The following ARMCX4 variants were observed in gnomAD, a reference collection of about 807,000 sequenced individuals.
ARMCX4 encodes armadillo repeat containing X-linked 4.
Under a neutral mutation model 34.7 loss-of-function variants are expected in ARMCX4, and 3 were observed. The observed-to-expected ratio is 0.09, with a 90% CI of 0.04 to 0.22. ARMCX4 has a LOEUF of 0.22. ARMCX4 is among the 10% of genes least tolerant of loss of function. The probability of loss-of-function intolerance (pLI) is 1.00; values close to 1 mark genes in which losing one functional copy is unlikely to be tolerated. For synonymous variants in ARMCX4, 513 were observed against 632.8 expected, an observed-to-expected ratio of 0.81 and a Z score of 2.84; for missense variants, 1,448 against 1,720.8, an observed-to-expected ratio of 0.84 and a Z score of 2.81.
intron 4 of ARMCX4, among the ~76,000 whole-genome samples, chrX:101,459,671 T>A (rs1166127466): frequency 1.8e-5 from 2 of 112,139 alleles, no homozygotes; most frequent in Non-Finnish European, 1.9e-5. Flanking sequence ...CACAATTTTT[T>A]AAAAAAGGAA....
At chrX:101,439,642 A>G (rs1555996148) in intron 2 of ARMCX4, among the ~76,000 whole-genome samples, 1 of 111,849 alleles carries the variant, frequency 8.9e-6, no homozygotes. Flanking sequence ...GTCTTTTCAC[A>G]TAGTCCCATA....
intron 4 of ARMCX4, among the ~76,000 whole-genome samples, chrX:101,475,879 C>G (rs1556004134): frequency 9.0e-6 from 1 of 111,030 alleles, no homozygotes; most frequent in Non-Finnish European, 1.9e-5. Flanking sequence ...TATATGGAAA[C>G]ATTGTTACAT....
chrX:101,431,760 G>A (rs1930031286), intron 2 of ARMCX4, among the ~76,000 whole-genome samples: 1 of 111,501 alleles, frequency 9.0e-6, no homozygotes, highest in Non-Finnish European at 1.9e-5. Flanking sequence ...AGCCAGGATG[G>A]TCTTGATCTC....
chrX:101,428,618 C>T (rs1929776323), intron 2 of ARMCX4, among the ~76,000 whole-genome samples: 1 of 111,767 alleles, frequency 8.9e-6, no homozygotes, highest in Non-Finnish European at 1.9e-5. Flanking sequence ...CTCTCCATCT[C>T]TCTCTGTTCT....
At position 101,445,625 on chromosome X, in the gene ARMCX4, A is replaced by G. The variant is rs1487453285; in HGVS notation, n.269-373A>G. ...AATAAAGTTGTTTTGGTGTTAAATT[A>G]CAAAATGAATATAAATCTTGAATAC... On this transcript the variant is annotated intron_variant and non_coding_transcript_variant, in intron 3 of 3. Coordinates refer to the ARMCX4 transcript ENST00000430461. 2.7e-5 allele frequency among the ~76,000 whole-genome samples: 3 copies of G among 112,300 alleles called. No individual in the cohort carries two copies. The Admixed American group carries it at 2.8e-4, about 11-fold the overall frequency.
At chrX:101,443,818 A>C (rs1453943329) in intron 2 of ARMCX4, 6 of 344,906 alleles carry the variant, frequency 1.7e-5, no homozygotes, top group Admixed American at 3.0e-5. Context: ...CCAACCACTC[A>C]ATCTTGGCAG....
downstream of ARMCX4, among the ~76,000 whole-genome samples, chrX:101,495,968 A>G (rs1202256865): frequency 8.9e-6 from 1 of 111,860 alleles, no homozygotes; most frequent in African/African-American, 3.3e-5. Flanking sequence ...GCTCAAGGAA[A>G]GTTTTACAAA....
At chrX:101,526,357 C>T (rs1392886671) in intron 11 of ARMCX4, among the ~76,000 whole-genome samples, 9 of 111,714 alleles carry the variant, frequency 8.1e-5, no homozygotes, top group African/African-American at 2.6e-4. Context: ...AAGGAACAAC[C>T]GGTACCAGCC....
chrX:101,449,611 T>C (rs1402228732), downstream of ARMCX4, among the ~76,000 whole-genome samples: 1 of 112,194 alleles, frequency 8.9e-6, no homozygotes, highest in African/African-American at 3.2e-5. Context: ...CTGCATTCCT[T>C]CTCTGTGTTA....
In ARMCX4 at chrX:101,444,047, T is replaced by C. The variant is rs560395484; in HGVS notation, n.165-5T>C. 30 of 362,947 alleles carry C rather than the reference T, an allele frequency of 8.3e-5. 1 individual carries two copies. The highest frequency in any genetic ancestry group is 2.3e-4 in the African/African-American group (9 of 38,629). 29.9% of individuals were successfully genotyped at this position (362,947 alleles called of 1,213,427 possible). A position where few individuals can be genotyped will look rare whatever the true frequency, so the allele number is the denominator to read the frequency against. On this transcript the variant is annotated splice_polypyrimidine_tract_variant and splice_region_variant and intron_variant and non_coding_transcript_variant, in intron 2 of 3. Coordinates refer to the ARMCX4 transcript ENST00000430461. ...AACCCTTATAACTAAATTATTTCTC[T>C]CCAGTGCTCAGAGCATGAAAATTTT...
chrX:101,460,685 A>G (rs1932570020), intron 4 of ARMCX4, among the ~76,000 whole-genome samples: 1 of 112,130 alleles, frequency 8.9e-6, no homozygotes, highest in Non-Finnish European at 1.9e-5. Flanking sequence ...TTTAAAACAC[A>G]GTATATGGCA....
At chrX:101,427,990 C>G (rs1478290078) in intron 2 of ARMCX4, among the ~76,000 whole-genome samples, 1 of 111,737 alleles carries the variant, frequency 8.9e-6, no homozygotes, top group African/African-American at 3.3e-5. Context: ...AAACTATATC[C>G]AAAGTATAGC....
intron 4 of ARMCX4, among the ~76,000 whole-genome samples, chrX:101,476,373 T>A (rs1352400074): frequency 9.1e-6 from 1 of 109,715 alleles, no homozygotes; most frequent in Admixed American, 1.0e-4. Context: ...ACATTTCATG[T>A]ACCCCATAAA....
chrX:101,445,968 T>C (rs1430485432), intron 3 of ARMCX4: 4 of 111,919 alleles, frequency 3.6e-5, no homozygotes, highest in Admixed American at 1.9e-4. Context: ...TCTTTATTGA[T>C]TGTGATTACA....
intron 4 of ARMCX4, among the ~76,000 whole-genome samples, chrX:101,476,278 C>A (rs1933182758): frequency 9.2e-6 from 1 of 108,410 alleles, no homozygotes; most frequent in African/African-American, 3.4e-5. Flanking sequence ...GAGCTTACAT[C>A]CTAGATAGAA....
chrX:101,438,364 A>G (rs933558117), intron 2 of ARMCX4, among the ~76,000 whole-genome samples: 4 of 111,589 alleles, frequency 3.6e-5, no homozygotes, highest in Non-Finnish European at 5.6e-5. Flanking sequence ...GGAGATAGAG[A>G]CCATCCTGGC....
upstream of ARMCX4, among the ~76,000 whole-genome samples, chrX:101,481,256 C>A (rs1164771952): frequency 1.8e-5 from 2 of 112,539 alleles, no homozygotes; most frequent in African/African-American, 3.2e-5. Flanking sequence ...AAAAGCAATA[C>A]ACATTCAGTA....
chrX:101,459,327 C>T (rs1556000897), intron 4 of ARMCX4, among the ~76,000 whole-genome samples: 1 of 112,176 alleles, frequency 8.9e-6, no homozygotes, highest in Non-Finnish European at 1.9e-5. Flanking sequence ...GCTGAATTGA[C>T]TTTCTTCTTA....
intron 4 of ARMCX4, among the ~76,000 whole-genome samples, chrX:101,467,557 G>A: frequency 8.9e-6 from 1 of 112,201 alleles, no homozygotes; most frequent in Non-Finnish European, 1.9e-5. Context: ...TTAAGCTGGT[G>A]ATGATGATAT....
Sources: gnomAD v4.1 joint callset for allele counts (sites outside exome capture counted in the v4.1 genomes callset) on GRCh38, gnomAD v4.1.1 for gene constraint, MANE v1.5 for transcripts, NCBI Gene and HGNC (gene_info 2026-07-23, HGNC 2026-07-21) for gene names.